Variants in EXT2 observed in about 807,000 individuals in gnomAD.
The protein encoded by EXT2 is exostosin-2.
In EXT2, 53 loss-of-function variants were observed where a neutral mutation model predicts 81.6. That is an observed-to-expected ratio of 0.65 (90% CI 0.52 to 0.82). The LOEUF (loss-of-function observed/expected upper bound fraction) is 0.82, where lower values mean the gene tolerates loss of function less well. EXT2 is among the 40% of genes least tolerant of loss of function. EXT2 has a pLI of 0.00. For synonymous variants in EXT2, 320 were observed against 340.0 expected, an observed-to-expected ratio of 0.94 and a Z score of 0.65; for missense variants, 774 against 910.2, an observed-to-expected ratio of 0.85 and a Z score of 1.93.
intron 7 of EXT2, among the ~76,000 whole-genome samples, chr11:44,152,912 T>C (rs1481235196): frequency 6.6e-6 from 1 of 152,236 alleles, no homozygotes; most frequent in Non-Finnish European, 1.5e-5. Flanking sequence ...AATATCACAC[T>C]GTCTTGATGA....
chr11:44,250,530 C>G lies in EXT2; in HGVS notation c.*6243C>G, dbSNP rs1354762861. ...GCCCCTATTTCTGCTTACCGTGTTACCAGAGAGCCTGGGGGTCTGGATCCT... is the reference window on the plus strand; with the variant it reads ...GCCCCTATTTCTGCTTACCGTGTTAGCAGAGAGCCTGGGGGTCTGGATCCT... On this transcript the variant is annotated 3_prime_UTR_variant, in exon 14 of 14. Transcript: ENST00000533608. Among the ~76,000 whole-genome samples, 1 of 152,202 alleles carries G rather than the reference C, an allele frequency of 6.6e-6. No individual in the cohort carries two copies. The highest frequency in any genetic ancestry group is 1.5e-5 in the Non-Finnish European group (1 of 68,034).
At chr11:44,224,724 CAA>C in intron 10 of EXT2, among the ~76,000 whole-genome samples, 1 of 152,228 alleles carries the variant, frequency 6.6e-6, no homozygotes, top group East Asian at 1.9e-4. Context: ...AATAAGAAAA[CAA>C]AGGGGATATG....
At chr11:44,222,101 A>G (rs955009232) in intron 10 of EXT2, among the ~76,000 whole-genome samples, 3 of 152,194 alleles carry the variant, frequency 2.0e-5, no homozygotes, top group African/African-American at 7.2e-5. Context: ...AAATATATTT[A>G]CTACTGTCTG....
chr11:44,119,588 A>G (rs1954287134), intron 4 of EXT2, among the ~76,000 whole-genome samples: 1 of 152,222 alleles, frequency 6.6e-6, no homozygotes, highest in African/African-American at 2.4e-5. Flanking sequence ...CCAGAAGGAA[A>G]GCATGTGTTC....
chr11:44,177,582 C>G (rs1485011449), intron 8 of EXT2, among the ~76,000 whole-genome samples: 5 of 152,164 alleles, frequency 3.3e-5, no homozygotes, highest in African/African-American at 1.2e-4. Flanking sequence ...TCAGTGACAG[C>G]TTTTTAAAAA....
intron 7 of EXT2, among the ~76,000 whole-genome samples, chr11:44,155,882 C>T (rs976806053): frequency 3.3e-5 from 5 of 152,078 alleles, no homozygotes; most frequent in South Asian, 2.1e-4. Flanking sequence ...CCTTTTCTTT[C>T]GGATTGAATA....
intron 7 of EXT2, among the ~76,000 whole-genome samples, chr11:44,162,989 C>G (rs923135215): frequency 1.3e-5 from 2 of 152,072 alleles, no homozygotes; most frequent in Non-Finnish European, 2.9e-5. Flanking sequence ...GTATATTAAC[C>G]TTTTTGCTTC....
At chr11:44,176,835 C>A (rs1955164654) in intron 8 of EXT2, among the ~76,000 whole-genome samples, 1 of 151,346 alleles carries the variant, frequency 6.6e-6, no homozygotes, top group African/African-American at 2.4e-5. Context: ...GGGTCTCCAG[C>A]CATGCACAGA....
intron 7 of EXT2, among the ~76,000 whole-genome samples, chr11:44,165,275 G>A (rs1448461729): frequency 6.6e-6 from 1 of 152,190 alleles, no homozygotes; most frequent in Non-Finnish European, 1.5e-5. Context: ...GAGAATAGTG[G>A]TGCTTTCGTA....
At chr11:44,114,932 A>G (rs1042128363) in intron 4 of EXT2, among the ~76,000 whole-genome samples, 4 of 152,178 alleles carry the variant, frequency 2.6e-5, no homozygotes, top group African/African-American at 4.8e-5. Flanking sequence ...CAGCAGACAC[A>G]TTCTCTACTG....
chr11:44,235,805 A>G (rs1479499062), intron 12 of EXT2, among the ~76,000 whole-genome samples: 1 of 152,050 alleles, frequency 6.6e-6, no homozygotes, highest in Non-Finnish European at 1.5e-5. Context: ...GGACGATTCA[A>G]TTTTTTTCTT....
At chr11:44,109,634 G>A (rs561813819) in intron 3 of EXT2, among the ~76,000 whole-genome samples, 1 of 152,188 alleles carries the variant, frequency 6.6e-6, no homozygotes, top group Non-Finnish European at 1.5e-5. Flanking sequence ...AGAAGGTAGC[G>A]TGGATATGTA....
rs1386737131 is a variant in EXT2 at position 44,220,527 on chromosome 11, T to TCC, written c.1663-11824_1663-11823dup. 6.6e-6 allele frequency among the ~76,000 whole-genome samples: 1 copy of TCC among 152,194 alleles called. No individual in the cohort carries two copies. The highest frequency in any genetic ancestry group is 1.5e-5 in the Non-Finnish European group (1 of 68,036). Reference sequence around the variant, plus strand: ...ACAAACAGCTCATTTCTGTGAGTGTTCCCACCTGTCAGGTACAGTTAGAGC... The same window carrying TCC: ...ACAAACAGCTCATTTCTGTGAGTGTTCCCCCACCTGTCAGGTACAGTTAGAGC... On this transcript the variant is annotated intron_variant, in intron 10 of 13. Coordinates refer to ENST00000533608, the MANE Select transcript of EXT2 (RefSeq NM_207122.2). The surrounding 1 kb of genome is among the most constrained non-coding windows in gnomAD (Gnocchi z 4.4).
chr11:44,191,825 A>G (rs1167354725), intron 8 of EXT2, among the ~76,000 whole-genome samples: 1 of 152,146 alleles, frequency 6.6e-6, no homozygotes, highest in Non-Finnish European at 1.5e-5. Flanking sequence ...GCCTTTCTCC[A>G]CGCTGTCACT....
At chr11:44,173,999 A>T (rs931246364) in intron 8 of EXT2, among the ~76,000 whole-genome samples, 12 of 152,216 alleles carry the variant, frequency 7.9e-5, no homozygotes, top group Admixed American at 7.9e-4. Context: ...ATGTTGATAG[A>T]TATTAACAAA....
Position 44,130,139 on chromosome 11 carries a change from G to A in EXT2, c.1173+1G>A. On this transcript the variant is annotated splice_donor_variant, in intron 7 of 13. Coordinates refer to ENST00000533608, the MANE Select transcript of EXT2 (RefSeq NM_207122.2). LOFTEE classifies it high-confidence loss of function. ...ACAGATTGAAGAAATGCAGAGACAG[G>A]TAAGAGGCCAAGTCTTGGGGAGGTG... The A allele has an allele frequency of 1.2e-6, 2 of 1,613,414 alleles. No individual in the cohort carries two copies. The highest frequency in any genetic ancestry group is 1.7e-6 in the Non-Finnish European group (2 of 1,179,384).
intron 4 of EXT2, among the ~76,000 whole-genome samples, chr11:44,120,201 G>A (rs1352761202): frequency 6.6e-6 from 1 of 152,124 alleles, no homozygotes; most frequent in Non-Finnish European, 1.5e-5. Flanking sequence ...TAGTAATTTA[G>A]TGTCTCTAAT....
chr11:44,150,940 C>T (rs1160434184), intron 7 of EXT2, among the ~76,000 whole-genome samples: 1 of 152,078 alleles, frequency 6.6e-6, no homozygotes, highest in African/African-American at 2.4e-5. Flanking sequence ...AAGCTTTTCC[C>T]CCGTAGAATT....
At chr11:44,169,980 C>G (rs1406922207) in intron 7 of EXT2, among the ~76,000 whole-genome samples, 1 of 152,046 alleles carries the variant, frequency 6.6e-6, no homozygotes, top group Non-Finnish European at 1.5e-5. Context: ...TCCATAGGCA[C>G]ACATGCAGGC....
Sources: gnomAD v4.1 joint callset for allele counts (sites outside exome capture counted in the v4.1 genomes callset) on GRCh38, gnomAD v4.1.1 for gene constraint, Gnocchi (gnomAD v3.1) non-coding constraint, MANE v1.5 for transcripts, NCBI Gene and HGNC (gene_info 2026-07-23, HGNC 2026-07-21) for gene names.